PANK3: variants seen among roughly 807,000 people sequenced by gnomAD.
PANK3 encodes pantothenate kinase 3, also known as hPanK3.
In PANK3, 20 loss-of-function variants were observed where a neutral mutation model predicts 39.4. The observed-to-expected ratio is 0.51, with a 90% CI of 0.36 to 0.74. The LOEUF is 0.74. PANK3 is among the 30% of genes least tolerant of loss of function. PANK3 has a pLI of 0.00. For synonymous variants in PANK3, 140 were observed against 157.3 expected (o/e 0.89, Z 0.82); for missense variants, 265 against 437.0 (o/e 0.61, Z 3.51).
chr5:168,550,372 T>C lies in PANK3; in HGVS notation c.*7199A>G, dbSNP rs1042062681. 1.3e-5 allele frequency: 2 copies of C among 152,176 alleles called. No homozygotes were observed. Among genetic ancestry groups the C allele is most frequent in the Non-Finnish European group, 2.9e-5 (2 of 68,032 alleles). 9.4% of individuals were successfully genotyped at this position (152,176 alleles called of 1,614,324 possible). A position where few individuals can be genotyped will look rare whatever the true frequency, so the allele number is the denominator to read the frequency against. Reference sequence around the variant, plus strand: ...AATTTACAATGGGTCTACTGGAACATAACCCTATTGTAAGTCAAGGAACAT... The same window carrying C: ...AATTTACAATGGGTCTACTGGAACACAACCCTATTGTAAGTCAAGGAACAT... On this transcript the variant is annotated 3_prime_UTR_variant, in exon 7 of 7. Transcript: ENST00000239231.
At chr5:168,563,243 C>T (rs1044024891) in intron 4 of PANK3, among the ~76,000 whole-genome samples, 1 of 152,060 alleles carries the variant, frequency 6.6e-6, no homozygotes, top group African/African-American at 2.4e-5. Context: ...AACTGTATAA[C>T]AATCCAACAG....
At chr5:168,558,297 A>G (rs1381898977) in intron 6 of PANK3, among the ~76,000 whole-genome samples, 3 of 151,696 alleles carry the variant, frequency 2.0e-5, no homozygotes, top group Non-Finnish European at 4.4e-5. Flanking sequence ...AGTCGCTGGG[A>G]TTACAGGCGC....
Position 168,549,688 on chromosome 5 carries a change from A to G in PANK3, c.*7883T>C, listed in dbSNP as rs1759245763. On this transcript the variant is annotated 3_prime_UTR_variant, in exon 7 of 7. Coordinates refer to ENST00000239231, the MANE Select transcript of PANK3 (RefSeq NM_024594.4). ...TATAAGAAAAAAACTGATTTACCCC[A>G]AACATATCATTCAGCACAAACTGCG... is the stretch of plus-strand genomic sequence containing the variant. 2 of 152,182 alleles carry G rather than the reference A, an allele frequency of 1.3e-5. No homozygotes were observed. Among genetic ancestry groups the G allele is most frequent in the Admixed American group, 1.3e-4 (2 of 15,272 alleles). 9.4% of individuals were successfully genotyped at this position (152,182 alleles called of 1,614,324 possible).
chr5:168,577,661 T>C (rs998028189), intron 1 of PANK3, among the ~76,000 whole-genome samples: 1 of 152,192 alleles, frequency 6.6e-6, no homozygotes, highest in Non-Finnish European at 1.5e-5. Context: ...CTTCTCATAA[T>C]AATCTTTATA....
chr5:168,567,985 T>G (rs1482743321), intron 2 of PANK3, among the ~76,000 whole-genome samples: 2 of 152,224 alleles, frequency 1.3e-5, no homozygotes, highest in Non-Finnish European at 2.9e-5. Context: ...CCATTCTTTA[T>G]TCTAATAGAA....
intron 2 of PANK3, among the ~76,000 whole-genome samples, chr5:168,567,851 C>T (rs752037426): frequency 6.6e-6 from 1 of 152,186 alleles, no homozygotes; most frequent in Non-Finnish European, 1.5e-5. Flanking sequence ...AACTCCTAGC[C>T]TCAAGTGATC....
In PANK3 at chr5:168,573,927, C is replaced by T. The variant is rs867782944; in HGVS notation, c.29-4929G>A. On this transcript the variant is annotated intron_variant, in intron 1 of 6. Transcript: ENST00000239231. ...TAATCCAGTCTATCATTGTTGGACA[C>T]TTGGGTTGGTTCCAAGTCTTTGCTA... Among the ~76,000 whole-genome samples the T allele has an allele frequency of 5.9e-5, 9 of 152,200 alleles. No individual in the cohort carries two copies. The East Asian group carries it at 1.4e-3, about 23-fold the overall frequency.
At position 168,553,240 on chromosome 5, in the gene PANK3, A is replaced by G. The variant is rs1004048510; in HGVS notation, c.*4331T>C. 1 of 511,762 alleles carries G rather than the reference A, an allele frequency of 2.0e-6. No homozygotes were observed. Among genetic ancestry groups the G allele is most frequent in the South Asian group, 1.5e-5 (1 of 68,424 alleles). The allele number at this position is 511,762 out of a possible 1,614,324, so 31.7% of individuals were successfully genotyped here. A position where few individuals can be genotyped will look rare whatever the true frequency, so the allele number is the denominator to read the frequency against. On this transcript the variant is annotated 3_prime_UTR_variant, in exon 7 of 7. Coordinates refer to ENST00000239231, the MANE Select transcript of PANK3 (RefSeq NM_024594.4). ...GATCTCCAGAATACCAACGACGTCC[A>G]GCTGGTTGAGAGCACTAAAGGTACC...
intron 4 of PANK3, among the ~76,000 whole-genome samples, chr5:168,563,567 C>T (rs940714923): frequency 6.6e-6 from 1 of 150,480 alleles, no homozygotes; most frequent in African/African-American, 2.5e-5. Context: ...TATATGGATA[C>T]TTTAGAGTAT....
At chr5:168,567,802 T>G (rs1220283135) in intron 2 of PANK3, among the ~76,000 whole-genome samples, 1 of 152,116 alleles carries the variant, frequency 6.6e-6, no homozygotes, top group Non-Finnish European at 1.5e-5. Context: ...TTATTTTTTG[T>G]AGAGACGGGG....
chr5:168,553,076 T>G lies in PANK3; in HGVS notation c.*4495A>C. The stretch of plus-strand genomic sequence containing the variant: ...GGATCTCATTAGTACTCTTCCTTTC[T>G]GTTAATGAGCAAAAACTTACGACTT... On this transcript the variant is annotated 3_prime_UTR_variant, in exon 7 of 7. Transcript: ENST00000239231. The G allele has an allele frequency of 2.4e-6, 1 of 418,842 alleles. No homozygotes were observed. The highest frequency in any genetic ancestry group is 4.7e-6 in the Non-Finnish European group (1 of 213,038). The allele number at this position is 418,842 out of a possible 1,614,324, so 25.9% of individuals were successfully genotyped here. A position where few individuals can be genotyped will look rare whatever the true frequency, so the allele number is the denominator to read the frequency against.
At chr5:168,569,942 C>T (rs578187158) in intron 1 of PANK3, among the ~76,000 whole-genome samples, 4 of 152,190 alleles carry the variant, frequency 2.6e-5, no homozygotes, top group Non-Finnish European at 4.4e-5. Flanking sequence ...GTCCCAGTTA[C>T]AGGAGGCTGA....
At position 168,557,641 on chromosome 5, in the gene PANK3, CTG is replaced by C. The variant is rs1561838870; in HGVS notation, c.1063-22_1063-21del. 7 of 1,607,170 alleles carry C rather than the reference CTG, an allele frequency of 4.4e-6. No individual in the cohort carries two copies. Among genetic ancestry groups the C allele is most frequent in the Non-Finnish European group, 6.0e-6 (7 of 1,174,828 alleles). On this transcript the variant is annotated intron_variant, in intron 6 of 6. Coordinates refer to ENST00000239231, the MANE Select transcript of PANK3 (RefSeq NM_024594.4). The stretch of plus-strand genomic sequence containing the variant: ...GTAACCCTGTGTAATTTAAAAATAA[CTG>C]TTATGTAGTACAGCTTTTAAGTTAG...
chr5:168,552,215 A>G lies in PANK3; in HGVS notation c.*5356T>C, dbSNP rs529888396. ...TGTGTACAGAGGTCTACAATGCATT[A>G]AAGTTTCTTTTTAATCCTTAGAAAT... On this transcript the variant is annotated 3_prime_UTR_variant, in exon 7 of 7. Coordinates refer to ENST00000239231, the MANE Select transcript of PANK3 (RefSeq NM_024594.4). The G allele has an allele frequency of 4.6e-5, 7 of 152,348 alleles. No individual in the cohort carries two copies. Among genetic ancestry groups the G allele is most frequent in the African/African-American group, 1.2e-4 (5 of 41,584 alleles). 9.4% of individuals were successfully genotyped at this position (152,348 alleles called of 1,614,324 possible).
At chr5:168,570,139 T>G (rs756471385) in intron 1 of PANK3, among the ~76,000 whole-genome samples, 3 of 152,024 alleles carry the variant, frequency 2.0e-5, no homozygotes, top group Non-Finnish European at 4.4e-5. Flanking sequence ...TCCCAGCACT[T>G]TGGGAGGCCG....
At chr5:168,564,949 A>G (rs158900) in intron 3 of PANK3, among the ~76,000 whole-genome samples, 51,812 of 152,058 alleles carry the variant, frequency 0.34, 8,978 homozygotes, top group South Asian at 0.46. Flanking sequence ...GAATGAAATC[A>G]TATCTAATTC....
At chr5:168,565,465 T>C (rs1759509427) in intron 3 of PANK3, among the ~76,000 whole-genome samples, 1 of 152,086 alleles carries the variant, frequency 6.6e-6, no homozygotes, top group Non-Finnish European at 1.5e-5. Context: ...CATATATTAA[T>C]ATCCATTAAA....
Position 168,552,570 on chromosome 5 carries a change from G to A in PANK3, c.*5001C>T. 4.9e-6 allele frequency: 1 copy of A among 203,528 alleles called. No individual in the cohort carries two copies. The highest frequency in any genetic ancestry group is 5.3e-5 in the Admixed American group (1 of 18,776). 12.6% of individuals were successfully genotyped at this position (203,528 alleles called of 1,614,324 possible). Reference sequence around the variant, plus strand: ...CTGCTATTGCAAACTGAAGAGTGTGGCCACAGTATTCCAGGGAACGGAGTC... The same window carrying A: ...CTGCTATTGCAAACTGAAGAGTGTGACCACAGTATTCCAGGGAACGGAGTC... On this transcript the variant is annotated 3_prime_UTR_variant, in exon 7 of 7. Coordinates refer to ENST00000239231, the MANE Select transcript of PANK3 (RefSeq NM_024594.4).
At chr5:168,576,955 C>T (rs544844552) in intron 1 of PANK3, among the ~76,000 whole-genome samples, 1 of 152,110 alleles carries the variant, frequency 6.6e-6, no homozygotes, top group African/African-American at 2.4e-5. Flanking sequence ...TCTCGGCTCC[C>T]TGTAACCTCC....
Sources: allele counts gnomAD v4.1 joint callset (sites outside exome capture counted in the v4.1 genomes callset), GRCh38; gene constraint gnomAD v4.1.1; transcripts MANE v1.5; gene names NCBI Gene and HGNC (gene_info 2026-07-23, HGNC 2026-07-21).